PLXDC2: variants seen among roughly 807,000 people sequenced by gnomAD.
The protein encoded by PLXDC2 is plexin domain containing 2.
A neutral mutation model predicts 68.9 loss-of-function variants in PLXDC2; 40 were observed. That is an observed-to-expected ratio of 0.58 (90% CI 0.45 to 0.76). The LOEUF (loss-of-function observed/expected upper bound fraction) is 0.76. Among genes scored for constraint, PLXDC2 ranks in the 30% least tolerant of loss-of-function variants. PLXDC2 has a pLI of 0.00. For synonymous variants in PLXDC2, 243 were observed against 234.2 expected, an observed-to-expected ratio of 1.04 and a Z score of -0.34; for missense variants, 644 against 661.9, an observed-to-expected ratio of 0.97 and a Z score of 0.30.
At chr10:19,840,899 A>G (rs894836280) in intron 1 of PLXDC2, among the ~76,000 whole-genome samples, 1 of 152,176 alleles carries the variant, frequency 6.6e-6, no homozygotes, top group Non-Finnish European at 1.5e-5. Flanking sequence ...TTATCAGAGA[A>G]CTGATTATGA....
At chr10:20,069,824 C>T (rs1279771419) in intron 4 of PLXDC2, among the ~76,000 whole-genome samples, 1 of 152,098 alleles carries the variant, frequency 6.6e-6, no homozygotes, top group African/African-American at 2.4e-5. Flanking sequence ...GAGCAAGACC[C>T]TGTCTCTAAA....
intron 12 of PLXDC2, among the ~76,000 whole-genome samples, chr10:20,233,202 G>C (rs1315956286): frequency 1.3e-5 from 2 of 152,042 alleles, no homozygotes; most frequent in Non-Finnish European, 2.9e-5. Flanking sequence ...GATTCAAGAA[G>C]AAGTTAAGGT....
At chr10:20,130,812 A>G (rs984458772) in intron 4 of PLXDC2, among the ~76,000 whole-genome samples, 3 of 152,116 alleles carry the variant, frequency 2.0e-5, no homozygotes, top group Admixed American at 2.0e-4. Flanking sequence ...TGTGTATGTT[A>G]AAACAAGGAT....
intron 1 of PLXDC2, among the ~76,000 whole-genome samples, chr10:19,997,459 T>G (rs1219932061): frequency 6.6e-6 from 1 of 152,206 alleles, no homozygotes; most frequent in African/African-American, 2.4e-5. Context: ...TAAGGTGCAG[T>G]AGAGATGGAT....
intron 4 of PLXDC2, among the ~76,000 whole-genome samples, chr10:20,073,137 T>C (rs1349771217): frequency 6.6e-6 from 1 of 152,214 alleles, no homozygotes; most frequent in African/African-American, 2.4e-5. Context: ...GTTTACAAAT[T>C]CCTCTTGAAC....
At chr10:20,064,290 G>C (rs1215131504) in intron 3 of PLXDC2, among the ~76,000 whole-genome samples, 1 of 148,516 alleles carries the variant, frequency 6.7e-6, no homozygotes, top group East Asian at 2.0e-4. Context: ...GTGTGATCTT[G>C]GCTCACTGAA....
chr10:19,972,488 G>A (rs908441594), intron 1 of PLXDC2, among the ~76,000 whole-genome samples: 5 of 152,252 alleles, frequency 3.3e-5, no homozygotes, highest in Admixed American at 6.5e-5. Context: ...CCTATGTATC[G>A]AGTACTGTGT....
At chr10:20,068,518 G>A (rs1035641076) in intron 4 of PLXDC2, among the ~76,000 whole-genome samples, 1 of 150,958 alleles carries the variant, frequency 6.6e-6, no homozygotes, top group Non-Finnish European at 1.5e-5. Context: ...CTGTCCAAAT[G>A]GCAGAAATTG....
intron 1 of PLXDC2, among the ~76,000 whole-genome samples, chr10:19,881,548 G>A (rs1335480621): frequency 6.6e-6 from 1 of 151,746 alleles, no homozygotes; most frequent in Admixed American, 6.6e-5. Flanking sequence ...TAATTCAATG[G>A]AATATCTACT....
chr10:19,999,397 T>C (rs1309180881), intron 1 of PLXDC2, among the ~76,000 whole-genome samples: 6 of 152,084 alleles, frequency 3.9e-5, no homozygotes, highest in Non-Finnish European at 5.9e-5. Flanking sequence ...TTTGTTTTTT[T>C]TTTTTCTGAT....
intron 4 of PLXDC2, among the ~76,000 whole-genome samples, chr10:20,124,235 T>G (rs1426888442): frequency 6.6e-6 from 1 of 152,120 alleles, no homozygotes; most frequent in East Asian, 1.9e-4. Context: ...GCCAGAGTTC[T>G]GGGTCCACGG....
chr10:19,964,096 C>A (rs1339193866), intron 1 of PLXDC2, among the ~76,000 whole-genome samples: 1 of 152,164 alleles, frequency 6.6e-6, no homozygotes, highest in Non-Finnish European at 1.5e-5. Flanking sequence ...CATTTAACAA[C>A]AGACTCTCTG....
chr10:20,126,426 T>C (rs143997976), intron 4 of PLXDC2, among the ~76,000 whole-genome samples: 16,413 of 39,432 alleles, frequency 0.42, 6,041 homozygotes, highest in African/African-American at 0.64. Flanking sequence ...ACGTTATATA[T>C]GTATATACAA....
At chr10:20,262,292 C>G (rs1402462867) in intron 13 of PLXDC2, among the ~76,000 whole-genome samples, 3 of 152,188 alleles carry the variant, frequency 2.0e-5, no homozygotes, top group Admixed American at 1.3e-4. Context: ...CTTATTTGCT[C>G]TACAGAAGCT....
intron 4 of PLXDC2, among the ~76,000 whole-genome samples, chr10:20,126,941 A>G (rs1011030307): frequency 2.0e-5 from 3 of 148,484 alleles, no homozygotes; most frequent in Non-Finnish European, 4.5e-5. Context: ...TTATGTATAT[A>G]TTGTATATGT....
intron 2 of PLXDC2, among the ~76,000 whole-genome samples, chr10:20,029,105 T>C (rs1835455977): frequency 6.6e-6 from 1 of 152,216 alleles, no homozygotes; most frequent in African/African-American, 2.4e-5. Flanking sequence ...CTAAATCATT[T>C]TTCCAGGGCC....
intron 1 of PLXDC2, among the ~76,000 whole-genome samples, chr10:19,869,499 A>C (rs1385941204): frequency 3.4e-5 from 3 of 88,842 alleles, no homozygotes; most frequent in Non-Finnish European, 6.5e-5. Flanking sequence ...GGAGGGAGGG[A>C]GGGAGACCAG....
In PLXDC2 at chr10:20,054,467, G is replaced by T. The variant is rs933367839; in HGVS notation, c.471+7452G>T. On this transcript the variant is annotated intron_variant, in intron 3 of 13. Coordinates refer to ENST00000377252, the MANE Select transcript of PLXDC2 (RefSeq NM_032812.9). ...GGATGGAAGAATGGGTAGAGATATA[G>T]GTATAGGATAGATGGATGGGTAGAT... 3.9e-5 allele frequency among the ~76,000 whole-genome samples: 6 copies of T among 151,938 alleles called. No homozygotes were observed. In the East Asian group the frequency reaches 1.2e-3, roughly 29 times the overall value.
intron 1 of PLXDC2, among the ~76,000 whole-genome samples, chr10:19,839,880 A>C (rs333690): frequency 0.63 from 95,478 of 151,958 alleles, 30,575 homozygotes; most frequent in East Asian, 0.75. Context: ...AAGGAAAATT[A>C]ACTTGCTTTC....
Sources: gnomAD v4.1 joint callset for allele counts (sites outside exome capture counted in the v4.1 genomes callset) on GRCh38, gnomAD v4.1.1 for gene constraint, MANE v1.5 for transcripts, NCBI Gene and HGNC (gene_info 2026-07-23, HGNC 2026-07-21) for gene names.